Variants in OSBPL8 observed in about 807,000 individuals in gnomAD.
OSBPL8 encodes the protein oxysterol-binding protein-related protein 8.
A neutral mutation model predicts 125.5 loss-of-function variants in OSBPL8; 59 were observed. That is an observed-to-expected ratio of 0.47 (90% CI 0.38 to 0.58). OSBPL8 has a LOEUF of 0.58. Among genes scored for constraint, OSBPL8 ranks in the 20% least tolerant of loss-of-function variants. The pLI, the probability that OSBPL8 is intolerant of heterozygous loss-of-function variation, is 0.00. For missense variants in OSBPL8, 758 were observed against 1,047.8 expected, an observed-to-expected ratio of 0.72 and a Z score of 3.82; for synonymous variants, 330 against 338.9, an observed-to-expected ratio of 0.97 and a Z score of 0.29.
chr12:76,376,110 C>CA (rs1952810492), intron 16 of OSBPL8, among the ~76,000 whole-genome samples: 1 of 152,200 alleles, frequency 6.6e-6, no homozygotes, highest in Non-Finnish European at 1.5e-5. Flanking sequence ...CATACTCCCC[C>CA]AGGAGCAATG....
At chr12:76,542,695 C>T (rs1263176379) in intron 1 of OSBPL8, among the ~76,000 whole-genome samples, 1 of 152,208 alleles carries the variant, frequency 6.6e-6, no homozygotes, top group African/African-American at 2.4e-5. Flanking sequence ...AACCACTACT[C>T]ACTTAGCATC....
chr12:76,399,701 A>G (rs1040364400), intron 7 of OSBPL8, among the ~76,000 whole-genome samples, 172 bp downstream of exon 7: 1 of 152,196 alleles, frequency 6.6e-6, no homozygotes, highest in Non-Finnish European at 1.5e-5. Context: ...CCTTCTCTTC[A>G]TTAAGATGGG....
At chr12:76,470,162 C>A (rs1220307960) in intron 2 of OSBPL8, among the ~76,000 whole-genome samples, 2 of 152,128 alleles carry the variant, frequency 1.3e-5, no homozygotes, top group Non-Finnish European at 2.9e-5. Context: ...AAGAGAAGCT[C>A]AAAATTAACC....
chr12:76,405,639 T>C (rs1954230196), intron 5 of OSBPL8, among the ~76,000 whole-genome samples: 1 of 152,194 alleles, frequency 6.6e-6, no homozygotes, highest in African/African-American at 2.4e-5. Context: ...TAACGTGCAG[T>C]CTAGTTCTGT....
chr12:76,393,105 A>C (rs545266234), intron 9 of OSBPL8, among the ~76,000 whole-genome samples: 72 of 152,186 alleles, frequency 4.7e-4, no homozygotes, highest in Non-Finnish European at 9.4e-4. Context: ...ACTACAAACA[A>C]ACTATCTGAA....
chr12:76,422,165 C>A (rs1358764757), intron 4 of OSBPL8, among the ~76,000 whole-genome samples: 9 of 152,014 alleles, frequency 5.9e-5, no homozygotes, highest in African/African-American at 2.2e-4. Flanking sequence ...ATTTGGTAAA[C>A]CCTCAGAGCA....
intron 21 of OSBPL8, chr12:76,366,461 C>T (rs991154337): frequency 2.4e-5 from 8 of 336,044 alleles, no homozygotes; most frequent in Non-Finnish European, 4.1e-5. Context: ...GATGGTTTAT[C>T]GATTTTGTTG....
intron 1 of OSBPL8, among the ~76,000 whole-genome samples, chr12:76,544,140 C>G (rs1319086177): frequency 6.6e-6 from 1 of 152,176 alleles, no homozygotes; most frequent in Admixed American, 6.5e-5. Flanking sequence ...AGACTAGTTT[C>G]AAGTTGCCAT....
rs1951945495 is a variant in OSBPL8, at chr12:76,355,401, T to G, written c.*488A>C. On this transcript the variant is annotated 3_prime_UTR_variant, in exon 24 of 24. Coordinates refer to ENST00000261183, the MANE Select transcript of OSBPL8 (RefSeq NM_020841.5). The stretch of plus-strand genomic sequence containing the variant: ...GCAAATGATTTTAACAGTAGTGTAT[T>G]GAATTAATTATGTCTATTATTCCAT... 6.6e-6 allele frequency: 1 copy of G among 151,100 alleles called. No homozygotes were observed. Among genetic ancestry groups the G allele is most frequent in the South Asian group, 2.1e-4 (1 of 4,836 alleles). 9.4% of individuals were successfully genotyped at this position (151,100 alleles called of 1,614,324 possible).
At chr12:76,525,588 T>C (rs947374129) in intron 1 of OSBPL8, among the ~76,000 whole-genome samples, 7 of 152,084 alleles carry the variant, frequency 4.6e-5, no homozygotes, top group African/African-American at 1.4e-4. Flanking sequence ...TACTCTCAAA[T>C]TGGGGGGAAA....
intron 5 of OSBPL8, among the ~76,000 whole-genome samples, chr12:76,410,023 C>T (rs188259850): frequency 1.8e-3 from 268 of 151,440 alleles, no homozygotes; most frequent in Middle Eastern, 3.4e-3. Flanking sequence ...CATCACATGG[C>T]GTTTCTCAAA....
At chr12:76,409,368 T>C (rs1445033979) in intron 5 of OSBPL8, among the ~76,000 whole-genome samples, 2 of 152,338 alleles carry the variant, frequency 1.3e-5, no homozygotes, top group East Asian at 3.9e-4. Flanking sequence ...TAGCATCTTA[T>C]AATACCCCTC....
At chr12:76,404,078 A>T (rs1954157133) in intron 5 of OSBPL8, among the ~76,000 whole-genome samples, 1 of 152,230 alleles carries the variant, frequency 6.6e-6, no homozygotes, top group Admixed American at 6.5e-5. Context: ...TGTAGAAATC[A>T]ACCTAGTTAA....
intron 6 of OSBPL8, among the ~76,000 whole-genome samples, chr12:76,400,268 G>A (rs150376852): frequency 6.6e-6 from 1 of 152,090 alleles, no homozygotes; most frequent in Non-Finnish European, 1.5e-5. Flanking sequence ...TGCAGTATTG[G>A]TTTCTGAGTT....
intron 4 of OSBPL8, among the ~76,000 whole-genome samples, chr12:76,435,174 G>GTT (rs1425724585): frequency 3.6e-4 from 54 of 151,404 alleles, no homozygotes; most frequent in Middle Eastern, 3.4e-3. Context: ...GTGTGTGTGT[G>GTT]TGTGTGTGTG....
chr12:76,377,100 T>C (rs893631675), intron 16 of OSBPL8, among the ~76,000 whole-genome samples: 3 of 152,210 alleles, frequency 2.0e-5, no homozygotes, highest in Non-Finnish European at 2.9e-5. Context: ...GCAAAGGACA[T>C]AAACTCATCC....
intron 21 of OSBPL8, among the ~76,000 whole-genome samples, chr12:76,365,594 C>T (rs999526085): frequency 1.3e-5 from 2 of 151,964 alleles, no homozygotes; most frequent in Non-Finnish European, 2.9e-5. Context: ...GATGACTTCT[C>T]TTTTTTTTCT....
rs555701285 is a variant in OSBPL8, at chr12:76,513,650, G to A, written c.-67-26032C>T. On this transcript the variant is annotated intron_variant, in intron 1 of 23. Transcript: ENST00000261183. ...AATTTAGGATAGTTAGGTCTTGCTCGATTGAACCCTTTACTAGTAATGCCC... is the reference window on the plus strand; with the variant it reads ...AATTTAGGATAGTTAGGTCTTGCTCAATTGAACCCTTTACTAGTAATGCCC... 1.0e-3 allele frequency among the ~76,000 whole-genome samples: 151 copies of A among 151,172 alleles called. 1 individual carries two copies. Among genetic ancestry groups the A allele is most frequent in the African/African-American group, 3.3e-3 (135 of 41,160 alleles).
rs776685061 is a variant in OSBPL8, at chr12:76,384,212, T to C, written c.1630+42A>G. On this transcript the variant is annotated intron_variant, in intron 15 of 23. Coordinates refer to ENST00000261183, the MANE Select transcript of OSBPL8 (RefSeq NM_020841.5). The stretch of plus-strand genomic sequence containing the variant: ...TAAATAAAAGCTCACCAGAAAATAA[T>C]ACCTCCCAGGAGAGGGTGCAAGTTG... 3.4e-6 allele frequency: 4 copies of C among 1,184,020 alleles called. No individual in the cohort carries two copies. In the East Asian group the frequency reaches 7.4e-5, roughly 22 times the overall value. The allele number at this position is 1,184,020 out of a possible 1,614,324, so 73.3% of individuals were successfully genotyped here.
Sources: gnomAD v4.1 joint callset for allele counts (sites outside exome capture counted in the v4.1 genomes callset) on GRCh38, gnomAD v4.1.1 for gene constraint, MANE v1.5 for transcripts, NCBI Gene and HGNC (gene_info 2026-07-23, HGNC 2026-07-21) for gene names.